The following MTMR2 variants were observed in gnomAD, a reference collection of about 807,000 sequenced individuals.
MTMR2 encodes myotubularin related protein 2.
A neutral mutation model predicts 86.9 loss-of-function variants in MTMR2; 55 were observed. The observed-to-expected ratio is 0.63, with a 90% CI of 0.51 to 0.79. The LOEUF is 0.79. Ranked by LOEUF, MTMR2 falls within the 30% of genes least tolerant of loss-of-function variation. The pLI is 0.00. For synonymous variants in MTMR2, 241 were observed against 266.8 expected (o/e 0.90, Z 0.94); for missense variants, 659 against 772.3 (o/e 0.85, Z 1.74).
chr11:95,840,947 T>G (rs1863517992), intron 12 of MTMR2, among the ~76,000 whole-genome samples: 1 of 152,140 alleles, frequency 6.6e-6, no homozygotes, highest in South Asian at 2.1e-4. Flanking sequence ...TTCGAGATGG[T>G]TTGAGTCAGA....
intron 11 of MTMR2, 42 bp downstream of exon 11, chr11:95,844,911 T>A: frequency 6.7e-7 from 1 of 1,492,532 alleles, no homozygotes; most frequent in East Asian, 2.3e-5. Context: ...TGCCTTGGCA[T>A]GAATGCATGT....
At chr11:95,914,142 A>T (rs189550107) in intron 1 of MTMR2, 7 of 965,830 alleles carry the variant, frequency 7.2e-6, no homozygotes, top group Middle Eastern at 5.3e-4. Flanking sequence ...CTTGTTACTC[A>T]TAAGTGCAAA....
chr11:95,845,093 G>A lies in MTMR2; in HGVS notation c.1246C>T (p.His416Tyr), dbSNP rs1863723745. 1 of 1,613,950 alleles carries A rather than the reference G, an allele frequency of 6.2e-7. No individual in the cohort carries two copies. The highest frequency in any genetic ancestry group is 8.5e-7 in the Non-Finnish European group (1 of 1,179,882). ...VESGKTSVVV[H>Y]CSDGWDRTAQ... ...GTGCGATCCCAACCATCACTGCAAT[G>A]CACTACCACAGACGTCTTCCCTGAC... Residue 416 changes from histidine to tyrosine, a missense_variant, in exon 11 of 15, where the codon CAT (histidine) becomes TAT (tyrosine). His to Tyr is a moderately conservative substitution (Grantham distance 83, BLOSUM62 2). Around this residue, in one of 3 missense-constraint regions of MTMR2, gnomAD observed 387 missense variants for 526.3 expected, o/e 0.74. Transcript: ENST00000346299.
chr11:95,868,325 A>C (rs1459172270), intron 2 of MTMR2, among the ~76,000 whole-genome samples: 1 of 151,204 alleles, frequency 6.6e-6, no homozygotes, highest in African/African-American at 2.4e-5. Context: ...AAAGAAAAAA[A>C]AGAAATAGAG....
At chr11:95,911,257 T>C (rs1306090887) in intron 1 of MTMR2, among the ~76,000 whole-genome samples, 2 of 152,152 alleles carry the variant, frequency 1.3e-5, no homozygotes, top group Admixed American at 1.3e-4. Context: ...CAGTTATCAA[T>C]TTATTTCCAG....
intron 1 of MTMR2, among the ~76,000 whole-genome samples, chr11:95,898,185 G>A (rs117133143): frequency 0.017 from 2,494 of 150,178 alleles, 31 homozygotes; most frequent in South Asian, 0.062. Flanking sequence ...TTAATCTCTT[G>A]GAATCTAGCT....
chr11:95,906,032 C>G (rs559379944), intron 1 of MTMR2, among the ~76,000 whole-genome samples: 47 of 152,226 alleles, frequency 3.1e-4, no homozygotes, highest in African/African-American at 1.1e-3. Context: ...TGAGACCAGC[C>G]AGGCCAACAT....
At chr11:95,869,140 G>A (rs1236847332) in intron 2 of MTMR2, among the ~76,000 whole-genome samples, 1 of 151,028 alleles carries the variant, frequency 6.6e-6, no homozygotes, top group Non-Finnish European at 1.5e-5. Flanking sequence ...CACCATTCAT[G>A]TTATTAACAT....
In MTMR2 at chr11:95,834,268, A is replaced by T. The variant is rs1356446073; in HGVS notation, c.*1022T>A. On this transcript the variant is annotated 3_prime_UTR_variant, in exon 15 of 15. Transcript: ENST00000346299. Reference sequence around the variant, plus strand: ...TGAACAGTGAAGCAAGATTTCTTTTACTGGCTTTGAGATTGTAATACATCT... The same window carrying T: ...TGAACAGTGAAGCAAGATTTCTTTTTCTGGCTTTGAGATTGTAATACATCT... 1 of 152,512 alleles carries T rather than the reference A, an allele frequency of 6.6e-6. No individual in the cohort carries two copies. Among genetic ancestry groups the T allele is most frequent in the Non-Finnish European group, 1.5e-5 (1 of 67,986 alleles). The allele number at this position is 152,512 out of a possible 1,614,324, so 9.4% of individuals were successfully genotyped here.
At chr11:95,835,573 C>CCAT (rs1863232774) in intron 14 of MTMR2, 122 bp from the exon 15 acceptor site, 1 of 963,578 alleles carries the variant, frequency 1.0e-6, no homozygotes, top group Admixed American at 1.9e-5. Flanking sequence ...CCTTTCCAAC[C>CCAT]CATCAGTGAA....
In MTMR2 at chr11:95,903,835, C is replaced by A. The variant is rs574100451; in HGVS notation, c.81-15574G>T. ...TTGCCATTAAATACCCCTCATTAGG[C>A]CAGGCATGGTGGCTCATGCCTGTAA... On this transcript the variant is annotated intron_variant, in intron 1 of 14. Transcript: ENST00000346299. Among the ~76,000 whole-genome samples, 4 of 152,276 alleles carry A rather than the reference C, an allele frequency of 2.6e-5. No homozygotes were observed. The East Asian group carries it at 7.7e-4, about 29-fold the overall frequency.
At chr11:95,870,901 A>G (rs1257795227) in intron 2 of MTMR2, among the ~76,000 whole-genome samples, 10 of 149,376 alleles carry the variant, frequency 6.7e-5, no homozygotes, top group Admixed American at 2.0e-4. Flanking sequence ...CCCACCCCAC[A>G]ACAGGCCCTG....
intron 2 of MTMR2, among the ~76,000 whole-genome samples, chr11:95,880,229 T>C (rs1865274234): frequency 6.6e-6 from 1 of 152,086 alleles, no homozygotes; most frequent in Admixed American, 6.5e-5. Context: ...AGATACTCAA[T>C]ACATTACTCG....
At chr11:95,879,035 A>G (rs1865227379) in intron 2 of MTMR2, among the ~76,000 whole-genome samples, 1 of 152,074 alleles carries the variant, frequency 6.6e-6, no homozygotes, top group Non-Finnish European at 1.5e-5. Flanking sequence ...CCAAGGTGAC[A>G]TATATCTCCC....
chr11:95,853,722 CT>C (rs1864107623), intron 7 of MTMR2, among the ~76,000 whole-genome samples: 1 of 152,094 alleles, frequency 6.6e-6, no homozygotes, highest in South Asian at 2.1e-4. Context: ...CTTTGGGAAC[CT>C]GGACTTTATC....
chr11:95,886,457 T>C (rs1045455352), intron 2 of MTMR2, among the ~76,000 whole-genome samples: 42 of 152,334 alleles, frequency 2.8e-4, no homozygotes, highest in Admixed American at 5.9e-4. Context: ...ATATTCATGG[T>C]GTCCTGAGGA....
intron 1 of MTMR2, among the ~76,000 whole-genome samples, chr11:95,911,030 T>C (rs1375920076): frequency 6.6e-6 from 1 of 152,204 alleles, no homozygotes; most frequent in South Asian, 2.1e-4. Context: ...TTAAAAATGC[T>C]GTGCCAGAAC....
At chr11:95,859,355 A>G (rs1250586854) in intron 5 of MTMR2, among the ~76,000 whole-genome samples, 2 of 152,240 alleles carry the variant, frequency 1.3e-5, no homozygotes, top group Non-Finnish European at 2.9e-5. Flanking sequence ...GACTGAATGC[A>G]GTTATTCATG....
chr11:95,865,721 G>T lies in MTMR2; in HGVS notation c.187-45C>A, dbSNP rs201791649. 126 of 1,522,422 alleles carry T rather than the reference G, an allele frequency of 8.3e-5. No individual in the cohort carries two copies. The Admixed American group carries it at 1.1e-3, about 13-fold the overall frequency. The allele number at this position is 1,522,422 out of a possible 1,614,324, so 94.3% of individuals were successfully genotyped here. ...AAAAGAAACATTTTTTTATTCAAAG[G>T]CTACTTTTTCACTCATATTTCAACT... On this transcript the variant is annotated intron_variant, in intron 2 of 14. Transcript: ENST00000346299.
Sources: allele counts gnomAD v4.1 joint callset (sites outside exome capture counted in the v4.1 genomes callset), GRCh38; gene constraint gnomAD v4.1.1; regional missense constraint gnomAD v4.1.1; transcripts MANE v1.5; gene names NCBI Gene and HGNC (gene_info 2026-07-23, HGNC 2026-07-21).